Variants in EXOC6 observed in about 807,000 individuals in gnomAD.
The protein encoded by EXOC6 is SEC15-like 1.
A neutral mutation model predicts 112.5 loss-of-function variants in EXOC6; 60 were observed. The observed-to-expected ratio is 0.53, with a 90% CI of 0.43 to 0.66. The LOEUF (loss-of-function observed/expected upper bound fraction) is 0.66. Ranked by LOEUF, EXOC6 falls within the 30% of genes least tolerant of loss-of-function variation. The probability of loss-of-function intolerance (pLI) is 0.00; values close to 1 mark genes in which losing one functional copy is unlikely to be tolerated. For synonymous variants in EXOC6, 295 were observed against 308.0 expected, an observed-to-expected ratio of 0.96 and a Z score of 0.44; for missense variants, 855 against 957.1, an observed-to-expected ratio of 0.89 and a Z score of 1.41.
chr10:92,957,909 T>C (rs1853781020), intron 17 of EXOC6, among the ~76,000 whole-genome samples: 1 of 152,210 alleles, frequency 6.6e-6, no homozygotes, highest in African/African-American at 2.4e-5. Context: ...GATTGGATTA[T>C]ATAGCCTCTT....
chr10:92,860,474 A>G lies in EXOC6; in HGVS notation c.101+11840A>G, dbSNP rs1475574729. Among the ~76,000 whole-genome samples, 3 of 151,840 alleles carry G rather than the reference A, an allele frequency of 2.0e-5. No individual in the cohort carries two copies. In the East Asian group the frequency reaches 5.9e-4, roughly 30 times the overall value. ...AGACGGGGTTTCACCATGTTGCCAG[A>G]CTGGTCTTGAACTCCTGACCTCGTG... On this transcript the variant is annotated intron_variant, in intron 1 of 21. Transcript: ENST00000260762.
At chr10:92,858,250 A>T (rs1847723020) in intron 1 of EXOC6, among the ~76,000 whole-genome samples, 1 of 152,080 alleles carries the variant, frequency 6.6e-6, no homozygotes, top group African/African-American at 2.4e-5. Flanking sequence ...CTTCTTAGAT[A>T]TGTAGGTTAA....
intron 1 of EXOC6, among the ~76,000 whole-genome samples, chr10:92,863,095 G>A (rs10882121): frequency 0.45 from 68,361 of 151,980 alleles, 16,137 homozygotes; most frequent in African/African-American, 0.58. Flanking sequence ...TAACAGCTAT[G>A]GCTAATTAAT....
At chr10:92,868,694 G>A (rs139618949) in intron 1 of EXOC6, among the ~76,000 whole-genome samples, 9 of 152,172 alleles carry the variant, frequency 5.9e-5, no homozygotes, top group Non-Finnish European at 1.2e-4. Flanking sequence ...TTTCAAGAGA[G>A]TTAAACTTTT....
chr10:93,019,057 T>C (rs901331507), intron 20 of EXOC6, among the ~76,000 whole-genome samples: 9 of 151,976 alleles, frequency 5.9e-5, no homozygotes, highest in Non-Finnish European at 1.3e-4. Flanking sequence ...ACTAAAATAA[T>C]TTATTATTAT....
At chr10:92,887,296 C>G (rs937641289) in intron 1 of EXOC6, among the ~76,000 whole-genome samples, 1 of 151,846 alleles carries the variant, frequency 6.6e-6, no homozygotes. Flanking sequence ...TTATTATTGG[C>G]CTTATTAGCA....
intron 4 of EXOC6, among the ~76,000 whole-genome samples, chr10:92,897,734 T>C (rs113315475): frequency 0.029 from 4,366 of 152,268 alleles, 93 homozygotes; most frequent in Non-Finnish European, 0.046. Context: ...CAGACTAAAT[T>C]GTATATTCAG....
At chr10:92,863,950 A>G (rs987159848) in intron 1 of EXOC6, among the ~76,000 whole-genome samples, 1 of 151,728 alleles carries the variant, frequency 6.6e-6, no homozygotes. Context: ...ACAAAAAAAA[A>G]AGAAAAAAAA....
intron 20 of EXOC6, among the ~76,000 whole-genome samples, chr10:93,046,186 A>C (rs1182947253): frequency 6.6e-6 from 1 of 152,238 alleles, no homozygotes; most frequent in Non-Finnish European, 1.5e-5. Flanking sequence ...ACAGATACTA[A>C]GCAAAACAAG....
intron 9 of EXOC6, among the ~76,000 whole-genome samples, chr10:92,929,972 C>G (rs1851938424): frequency 6.6e-6 from 1 of 152,134 alleles, no homozygotes; most frequent in Non-Finnish European, 1.5e-5. Flanking sequence ...GAGTCAAGTC[C>G]AAGGAATCCC....
chr10:92,870,930 G>A (rs138454781), intron 1 of EXOC6, among the ~76,000 whole-genome samples: 2 of 152,068 alleles, frequency 1.3e-5, no homozygotes, highest in South Asian at 2.1e-4. Flanking sequence ...GAATGGTCTC[G>A]ATCTGCTGAC....
At chr10:92,841,853 T>A (rs981396201) in intron 1 of EXOC6, among the ~76,000 whole-genome samples, 1 of 152,196 alleles carries the variant, frequency 6.6e-6, no homozygotes, top group African/African-American at 2.4e-5. Flanking sequence ...TGAAATGTAT[T>A]AATGAAATGT....
At chr10:92,952,948 A>G (rs1853502328) in intron 15 of EXOC6, among the ~76,000 whole-genome samples, 1 of 152,210 alleles carries the variant, frequency 6.6e-6, no homozygotes. Context: ...ACTATTGTGA[A>G]TAGTGCTGTA....
intron 5 of EXOC6, among the ~76,000 whole-genome samples, chr10:92,903,434 G>T (rs985928937): frequency 3.3e-5 from 5 of 151,240 alleles, no homozygotes; most frequent in Non-Finnish European, 5.9e-5. Flanking sequence ...TTAGACTGTA[G>T]AAAGAAAGGA....
intron 13 of EXOC6, among the ~76,000 whole-genome samples, chr10:92,946,968 ATTTG>A (rs1384639522): frequency 1.3e-5 from 2 of 152,148 alleles, no homozygotes. Context: ...AGATGTTATA[ATTTG>A]TTTGTGTATC....
At chr10:92,895,097 G>A in intron 4 of EXOC6, 77 bp downstream of exon 4, 1 of 848,582 alleles carries the variant, frequency 1.2e-6, no homozygotes, top group Non-Finnish European at 2.0e-6. Flanking sequence ...GTGATTCTTT[G>A]GTATGGGAAT....
At chr10:93,031,747 A>T (rs835270) in intron 20 of EXOC6, among the ~76,000 whole-genome samples, 19,649 of 151,968 alleles carry the variant, frequency 0.13, 1,420 homozygotes, top group African/African-American at 0.18. Context: ...TGCTGACCTC[A>T]GGTGATCTGC....
intron 9 of EXOC6, among the ~76,000 whole-genome samples, chr10:92,931,115 GAAAAAAAAAAAAA>G (rs60087746): frequency 4.2e-5 from 3 of 70,612 alleles, no homozygotes; most frequent in African/African-American, 1.0e-4. Context: ...CATCTCAGAA[GAAAAAAAAAAAAA>G]AAAAAAAAAA....
chr10:92,884,929 A>G (rs1176078482), intron 1 of EXOC6, among the ~76,000 whole-genome samples: 1 of 152,202 alleles, frequency 6.6e-6, no homozygotes. Context: ...TATTTACAGA[A>G]TATAGCATCT....
Sources: allele counts gnomAD v4.1 joint callset (sites outside exome capture counted in the v4.1 genomes callset), GRCh38; gene constraint gnomAD v4.1.1; transcripts MANE v1.5; gene names NCBI Gene and HGNC (gene_info 2026-07-23, HGNC 2026-07-21).